The following PIK3C3 variants were observed in gnomAD, a reference collection of about 807,000 sequenced individuals.
PIK3C3 encodes PI3-kinase type 3.
A neutral mutation model predicts 126.1 loss-of-function variants in PIK3C3; 95 were observed. The observed-to-expected ratio is 0.75, with a 90% CI of 0.64 to 0.89. The LOEUF is 0.89. Among genes scored for constraint, PIK3C3 ranks in the 40% least tolerant of loss-of-function variants. The probability of loss-of-function intolerance (pLI) is 0.00; values close to 1 mark genes in which losing one functional copy is unlikely to be tolerated. For synonymous variants in PIK3C3, 374 were observed against 360.0 expected (o/e 1.04, Z -0.44); for missense variants, 829 against 1,063.2 (o/e 0.78, Z 3.06).
chr18:42,030,311 T>A (rs1315306201), intron 15 of PIK3C3, among the ~76,000 whole-genome samples: 1 of 152,164 alleles, frequency 6.6e-6, no homozygotes, highest in Admixed American at 6.5e-5. Context: ...ACTTGATGGG[T>A]AGAAGTGAAT....
intron 13 of PIK3C3, among the ~76,000 whole-genome samples, chr18:42,023,434 G>C (rs1461738634): frequency 2.0e-5 from 3 of 152,158 alleles, no homozygotes; most frequent in Non-Finnish European, 4.4e-5. Flanking sequence ...TATAAGCAAA[G>C]TACAGCCCCA....
intron 21 of PIK3C3, among the ~76,000 whole-genome samples, chr18:42,056,531 A>G (rs1438839529): frequency 6.6e-6 from 1 of 152,174 alleles, no homozygotes; most frequent in Admixed American, 6.5e-5. Flanking sequence ...TTGGTAACAA[A>G]ACATTATTTA....
intron 6 of PIK3C3, among the ~76,000 whole-genome samples, chr18:41,993,043 T>A (rs983020110): frequency 6.6e-6 from 1 of 152,154 alleles, no homozygotes; most frequent in African/African-American, 2.4e-5. Context: ...TCTAAAACTT[T>A]AGTAAGAATT....
intron 15 of PIK3C3, among the ~76,000 whole-genome samples, chr18:42,032,535 A>ATGG (rs1180687137): frequency 6.6e-6 from 1 of 152,174 alleles, no homozygotes; most frequent in African/African-American, 2.4e-5. Context: ...ATGAGAAATC[A>ATGG]TGGTGGCTGG....
intron 22 of PIK3C3, 34 bp from the exon 23 acceptor site, chr18:42,064,706 C>T (rs367935855): frequency 4.1e-6 from 4 of 975,646 alleles, no homozygotes; most frequent in Non-Finnish European, 6.6e-6. Context: ...AATTCTTAAT[C>T]GTTGCTATTT....
intron 4 of PIK3C3, chr18:41,971,354 A>T (rs979727170): frequency 3.3e-5 from 5 of 152,112 alleles, no homozygotes; most frequent in Admixed American, 3.3e-4. Context: ...ATCTTCAAGA[A>T]TAAGTACTTG....
At chr18:42,027,685 T>TG (rs1321635985) in intron 14 of PIK3C3, 137 bp downstream of exon 14, 1 of 362,838 alleles carries the variant, frequency 2.8e-6, no homozygotes, top group Non-Finnish European at 4.9e-6. Context: ...GATGGAGGCT[T>TG]GCTCTGTTAC....
chr18:42,006,599 G>GT (rs903540660), intron 10 of PIK3C3, among the ~76,000 whole-genome samples: 6 of 152,008 alleles, frequency 3.9e-5, no homozygotes, highest in Admixed American at 1.3e-4. Context: ...AAAGGGGCTT[G>GT]TTAGGAATAA....
intron 24 of PIK3C3, among the ~76,000 whole-genome samples, chr18:42,069,507 C>T (rs1598953962): frequency 1.3e-5 from 2 of 152,196 alleles, no homozygotes; most frequent in Admixed American, 6.5e-5. Context: ...ACATTAGTGT[C>T]AATCAAACTT....
At chr18:42,049,652 G>T (rs756838870) in intron 21 of PIK3C3, 47 bp downstream of exon 21, 12 of 1,370,410 alleles carry the variant, frequency 8.8e-6, no homozygotes, top group Non-Finnish European at 1.1e-5. Flanking sequence ...TATGCCCATG[G>T]TTTTTACCCC....
At chr18:41,971,871 A>G (rs897193271) in intron 4 of PIK3C3, among the ~76,000 whole-genome samples, 19 of 152,076 alleles carry the variant, frequency 1.2e-4, no homozygotes, top group Admixed American at 4.6e-4. Context: ...GAGTCAAGAA[A>G]TATAAAGCTT....
chr18:42,033,353 T>TTA (rs1374011035), intron 15 of PIK3C3, among the ~76,000 whole-genome samples: 1 of 152,130 alleles, frequency 6.6e-6, no homozygotes, highest in Non-Finnish European at 1.5e-5. Flanking sequence ...GAAAGTAGGG[T>TTA]TATAGTTTCT....
chr18:41,969,181 T>A (rs1256925089), intron 3 of PIK3C3, among the ~76,000 whole-genome samples: 1 of 150,476 alleles, frequency 6.6e-6, no homozygotes, highest in African/African-American at 2.5e-5. Context: ...TAGATTTGCC[T>A]GTCCATCTAC....
At chr18:42,073,301 T>G (rs1364342931) in intron 24 of PIK3C3, among the ~76,000 whole-genome samples, 1 of 152,208 alleles carries the variant, frequency 6.6e-6, no homozygotes, top group Non-Finnish European at 1.5e-5. Flanking sequence ...CACTTATTCT[T>G]AAGTTAGAGA....
chr18:42,048,246 G>A (rs1984642473), intron 20 of PIK3C3, among the ~76,000 whole-genome samples: 1 of 152,138 alleles, frequency 6.6e-6, no homozygotes, highest in East Asian at 1.9e-4. Context: ...AACTATTTAA[G>A]GTGATTAGGA....
intron 11 of PIK3C3, among the ~76,000 whole-genome samples, 181 bp downstream of exon 11, chr18:42,013,777 G>T (rs1464399172): frequency 1.3e-5 from 2 of 152,076 alleles, no homozygotes; most frequent in Non-Finnish European, 2.9e-5. Flanking sequence ...ATAGTGTTTT[G>T]CAAGCTATCA....
chr18:42,023,651 TAA>T (rs1159881390), intron 13 of PIK3C3, among the ~76,000 whole-genome samples: 2 of 152,218 alleles, frequency 1.3e-5, no homozygotes, highest in Non-Finnish European at 2.9e-5. Flanking sequence ...TTGCCTTTAA[TAA>T]ACACTGCTTT....
chr18:42,025,626 A>T (rs1270563712), intron 13 of PIK3C3: 3 of 152,220 alleles, frequency 2.0e-5, no homozygotes, highest in Non-Finnish European at 4.4e-5. Context: ...GGTAGAAAAA[A>T]TTCAATTTAA....
At position 41,957,661 on chromosome 18, in the gene PIK3C3, T is replaced by TG; in HGVS notation, c.161dup (p.Cys54TrpfsTer3). 2.5e-6 allele frequency: 4 copies of TG among 1,614,040 alleles called. No homozygotes were observed. The highest frequency in any genetic ancestry group is 2.5e-6 in the Non-Finnish European group (3 of 1,179,958). ...GTTCTCAGGACTATATCAAGAGACA[T>TG]GCTCTGATCTTTATGTTACTTGTCA... On this transcript the variant is annotated frameshift_variant, in exon 2 of 25. Transcript: ENST00000262039. LOFTEE classifies it high-confidence loss of function.
Sources: allele counts gnomAD v4.1 joint callset (sites outside exome capture counted in the v4.1 genomes callset), GRCh38; gene constraint gnomAD v4.1.1; transcripts MANE v1.5; gene names NCBI Gene and HGNC (gene_info 2026-07-23, HGNC 2026-07-21).